MARCHF8: variants seen among roughly 807,000 people sequenced by gnomAD.
The protein encoded by MARCHF8 is membrane associated ring-CH-type finger 8.
MARCHF8 carries 40 observed loss-of-function variants against 51.6 expected under a neutral mutation model. That is an observed-to-expected ratio of 0.77 (90% CI 0.60 to 1.01). The LOEUF (loss-of-function observed/expected upper bound fraction) is 1.01, where lower values mean the gene tolerates loss of function less well. Among genes scored for constraint, MARCHF8 ranks in the 50% least tolerant of loss-of-function variants. MARCHF8 has a pLI of 0.00. For missense variants in MARCHF8, 685 were observed against 708.6 expected (o/e 0.97, Z 0.38); for synonymous variants, 263 against 280.3 (o/e 0.94, Z 0.62).
intron 2 of MARCHF8, among the ~76,000 whole-genome samples, chr10:45,500,372 A>G (rs1339032767): frequency 6.6e-6 from 1 of 152,118 alleles, no homozygotes; most frequent in Non-Finnish European, 1.5e-5. Context: ...AAATTTTGTC[A>G]TATGTAAAGA....
chr10:45,463,704 A>C lies in MARCHF8; in HGVS notation c.535T>G (p.Cys179Gly). The change falls in exon 5 of 8, where the codon TGT becomes GGT. Residue 179 changes from cysteine (C) to glycine (G), a missense_variant. Transcript: ENST00000453424. ...SESFAYVERT[C>G]SEGKLILPQD... ...GGGAGTATTAATTTCCCTTCAGAAC[A>C]AGTTCTTTCCACATAGGCAAAACTT... 2 of 1,551,062 alleles carry C rather than the reference A, an allele frequency of 1.3e-6. No homozygotes were observed. The highest frequency in any genetic ancestry group is 4.9e-5 in the East Asian group (2 of 40,932).
chr10:45,544,431 G>C (rs1248421118), intron 1 of MARCHF8, among the ~76,000 whole-genome samples: 2 of 152,128 alleles, frequency 1.3e-5, no homozygotes, highest in Non-Finnish European at 2.9e-5. Context: ...AATGTGCATA[G>C]CAGCATTCCT....
At position 45,477,822 on chromosome 10, in the gene MARCHF8, G is replaced by A. The variant is rs2042814230; in HGVS notation, c.153+11545C>T. On this transcript the variant is annotated intron_variant, in intron 3 of 7. Transcript: ENST00000453424. ...AGTCAAAAACAGTAAAAGACAAAGA[G>A]AGTCATTATATAATAACAAAGGGAT... Among the ~76,000 whole-genome samples, 3 of 152,228 alleles carry A rather than the reference G, an allele frequency of 2.0e-5. No individual in the cohort carries two copies. In the South Asian group the frequency reaches 6.2e-4, roughly 32 times the overall value.
intron 1 of MARCHF8, among the ~76,000 whole-genome samples, chr10:45,568,822 A>C (rs1231866095): frequency 6.6e-6 from 1 of 151,734 alleles, no homozygotes; most frequent in East Asian, 1.9e-4. Flanking sequence ...TAATCCCAAC[A>C]CTTTGGGAGC....
At chr10:45,589,094 C>T (rs2044650061) in intron 1 of MARCHF8, among the ~76,000 whole-genome samples, 1 of 151,506 alleles carries the variant, frequency 6.6e-6, no homozygotes. Flanking sequence ...ATACACATTG[C>T]AACACTGCTG....
intron 1 of MARCHF8, 66 bp from the exon 2 acceptor site, chr10:45,533,355 C>G (rs1171869025): frequency 1.1e-5 from 12 of 1,044,868 alleles, no homozygotes; most frequent in Non-Finnish European, 1.5e-5. Flanking sequence ...CAAGAGTGAG[C>G]TTAACATTTT....
At chr10:45,528,521 G>T (rs529141934) in intron 2 of MARCHF8, among the ~76,000 whole-genome samples, 1 of 152,084 alleles carries the variant, frequency 6.6e-6, no homozygotes, top group African/African-American at 2.4e-5. Flanking sequence ...GCACAGTGGC[G>T]CAGTCATAGC....
chr10:45,566,721 G>A (rs777172259), intron 1 of MARCHF8, among the ~76,000 whole-genome samples: 1 of 120,134 alleles, frequency 8.3e-6, no homozygotes, highest in Non-Finnish European at 1.6e-5. Flanking sequence ...AAACAGTGCT[G>A]CAACAAAAAC....
At chr10:45,561,482 C>T (rs1381434497) in intron 1 of MARCHF8, among the ~76,000 whole-genome samples, 4 of 150,966 alleles carry the variant, frequency 2.6e-5, no homozygotes, top group African/African-American at 9.7e-5. Flanking sequence ...ACCATGTTGG[C>T]CAGGCTGGTC....
intron 3 of MARCHF8, among the ~76,000 whole-genome samples, chr10:45,480,880 C>A (rs2042873360): frequency 6.6e-6 from 1 of 152,234 alleles, no homozygotes; most frequent in Admixed American, 6.5e-5. Context: ...AAGAGGGCCA[C>A]CATCCTCCCA....
At chr10:45,594,603 ACCCAGCCCAGCCCAGCCCAG>A (rs61367647) in exon 1 of MARCHF8, 4 of 112,758 alleles carry the variant, frequency 3.5e-5, no homozygotes, top group African/African-American at 9.8e-5. Context: ...GGCCGCCCCC[ACCCAGCCCAGCCCAGCCCAG>A]CCCAGCCCAG....
intron 1 of MARCHF8, among the ~76,000 whole-genome samples, chr10:45,554,158 A>C (rs1485816197): frequency 6.6e-6 from 1 of 152,212 alleles, no homozygotes; most frequent in East Asian, 1.9e-4. Flanking sequence ...GAATTTGGGA[A>C]AGTGCTTTTA....
intron 1 of MARCHF8, among the ~76,000 whole-genome samples, chr10:45,589,332 T>C (rs934172687): frequency 6.6e-6 from 1 of 152,204 alleles, no homozygotes; most frequent in African/African-American, 2.4e-5. Context: ...CTCAGTCACA[T>C]GGCTATAAGC....
Position 45,528,013 on chromosome 10 carries a change from G to A in MARCHF8, c.102+5097C>T, listed in dbSNP as rs183510034. ...TTAAAAACAAAAACCATATTATCTC[G>A]ATAGATACAGAAAAAGCATTTGATA... On this transcript the variant is annotated intron_variant, in intron 2 of 7. Coordinates refer to ENST00000453424, the MANE Select transcript of MARCHF8 (RefSeq NM_001282866.2). Among the ~76,000 whole-genome samples the A allele has an allele frequency of 1.5e-3, 231 of 152,186 alleles. 1 individual carries two copies. Among genetic ancestry groups the A allele is most frequent in the African/African-American group, 4.2e-3 (173 of 41,552 alleles).
rs3824618 is a variant in MARCHF8, at chr10:45,456,985, C to T, written c.*1254G>A. On this transcript the variant is annotated 3_prime_UTR_variant, in exon 8 of 8. Coordinates refer to ENST00000453424, the MANE Select transcript of MARCHF8 (RefSeq NM_001282866.2). The stretch of plus-strand genomic sequence containing the variant: ...ATGTGGCCGGGGAGCAGTGGCACAG[C>T]GGACCCTGGCAGTTTGCTCACACCT... The T allele has an allele frequency of 0.035, 5,339 of 152,482 alleles. 142 individuals carry two copies. Among genetic ancestry groups the T allele is most frequent in the East Asian group, 0.052 (271 of 5,182 alleles). 9.4% of individuals were successfully genotyped at this position (152,482 alleles called of 1,614,324 possible). A position where few individuals can be genotyped will look rare whatever the true frequency, so the allele number is the denominator to read the frequency against.
At chr10:45,557,221 T>C (rs2044262190) in intron 1 of MARCHF8, among the ~76,000 whole-genome samples, 1 of 142,548 alleles carries the variant, frequency 7.0e-6, no homozygotes. Flanking sequence ...TCCGCCTCCC[T>C]GGGTCAAGCG....
Position 45,489,435 on chromosome 10 carries a change from A to T in MARCHF8, c.103-18T>A, listed in dbSNP as rs925416692. On this transcript the variant is annotated intron_variant, in intron 2 of 7. Transcript: ENST00000453424. ...TTCTCATTCTGCAAGAAAATCAAACAGGTTTTAATTATCAATCTTTGATTA... is the reference window on the plus strand; with the variant it reads ...TTCTCATTCTGCAAGAAAATCAAACTGGTTTTAATTATCAATCTTTGATTA... 6.2e-7 allele frequency: 1 copy of T among 1,602,464 alleles called. No homozygotes were observed. Among genetic ancestry groups the T allele is most frequent in the Admixed American group, 1.7e-5 (1 of 59,080 alleles).
intron 1 of MARCHF8, among the ~76,000 whole-genome samples, chr10:45,545,015 C>T (rs539943435): frequency 6.6e-6 from 1 of 152,260 alleles, no homozygotes; most frequent in East Asian, 1.9e-4. Context: ...TCTCTGCCTG[C>T]AACACTCTTC....
At chr10:45,516,086 T>A (rs1024799308) in intron 2 of MARCHF8, among the ~76,000 whole-genome samples, 1 of 152,180 alleles carries the variant, frequency 6.6e-6, no homozygotes, top group African/African-American at 2.4e-5. Flanking sequence ...AATGAGAGGA[T>A]AAGAGGGCCT....
Sources: gnomAD v4.1 joint callset for allele counts (sites outside exome capture counted in the v4.1 genomes callset) on GRCh38, gnomAD v4.1.1 for gene constraint, MANE v1.5 for transcripts, NCBI Gene and HGNC (gene_info 2026-07-23, HGNC 2026-07-21) for gene names.